Variants in CFAP299 observed in about 807,000 individuals in gnomAD.
The protein encoded by CFAP299 is cilia and flagella associated protein 299, also known as cilia- and flagella-associated protein 299.
CFAP299 carries 21 observed loss-of-function variants against 27.0 expected under a neutral mutation model. The ratio of observed to expected loss-of-function variants is 0.78; its 90% CI spans 0.55 to 1.12. The LOEUF is 1.12. CFAP299 is among the 50% of genes most tolerant of loss of function. The pLI is 0.00. For synonymous variants in CFAP299, 104 were observed against 98.1 expected (o/e 1.06, Z -0.36); for missense variants, 310 against 276.6 (o/e 1.12, Z -0.86).
chr4:80,356,815 G>T (rs144498205), intron 1 of CFAP299, among the ~76,000 whole-genome samples: 1 of 151,810 alleles, frequency 6.6e-6, no homozygotes, highest in Non-Finnish European at 1.5e-5. Context: ...TCCCTATTTC[G>T]ATATGCTTTA....
intron 2 of CFAP299, among the ~76,000 whole-genome samples, chr4:80,417,461 C>T (rs1727072893): frequency 6.6e-6 from 1 of 152,118 alleles, no homozygotes; most frequent in African/African-American, 2.4e-5. Context: ...CTGATTCAAA[C>T]ACCTCTTACA....
At chr4:80,498,841 A>G (rs1731588353) in intron 2 of CFAP299, among the ~76,000 whole-genome samples, 1 of 152,216 alleles carries the variant, frequency 6.6e-6, no homozygotes, top group South Asian at 2.1e-4. Context: ...CATGGAATCA[A>G]TCTAAATCAT....
intron 2 of CFAP299, among the ~76,000 whole-genome samples, chr4:80,529,242 T>C (rs1733341760): frequency 6.6e-6 from 1 of 152,172 alleles, no homozygotes; most frequent in Non-Finnish European, 1.5e-5. Flanking sequence ...GGTTTTTTTT[T>C]CTCTGCCTCA....
At chr4:80,535,744 G>C (rs1733711282) in intron 2 of CFAP299, among the ~76,000 whole-genome samples, 2 of 152,128 alleles carry the variant, frequency 1.3e-5, no homozygotes, top group South Asian at 4.1e-4. Flanking sequence ...ACTGAACCTT[G>C]CTCATGCCTT....
chr4:80,802,355 G>A (rs1368168417), intron 3 of CFAP299, among the ~76,000 whole-genome samples: 1 of 151,962 alleles, frequency 6.6e-6, no homozygotes, highest in African/African-American at 2.4e-5. Context: ...TTGAGTAGTG[G>A]TATTTATCTT....
chr4:80,865,436 A>G (rs1732665028), intron 3 of CFAP299, among the ~76,000 whole-genome samples: 3 of 152,158 alleles, frequency 2.0e-5, no homozygotes, highest in Admixed American at 6.6e-5. Flanking sequence ...ATCTGCCACC[A>G]CATCTGTCTG....
chr4:80,510,866 C>T (rs1732263458), intron 2 of CFAP299, among the ~76,000 whole-genome samples: 1 of 152,116 alleles, frequency 6.6e-6, no homozygotes. Flanking sequence ...GTCATTGGCC[C>T]CCAGCCTCCT....
At chr4:80,711,903 T>C (rs1722196538) in intron 3 of CFAP299, among the ~76,000 whole-genome samples, 1 of 152,176 alleles carries the variant, frequency 6.6e-6, no homozygotes, top group South Asian at 2.1e-4. Context: ...TTGATTCTGC[T>C]CTTTTACAAC....
intron 2 of CFAP299, among the ~76,000 whole-genome samples, chr4:80,401,567 C>T (rs959210331): frequency 3.9e-5 from 6 of 152,162 alleles, no homozygotes; most frequent in African/African-American, 1.2e-4. Context: ...GGAACCTCCA[C>T]GTGGATTTCA....
intron 2 of CFAP299, among the ~76,000 whole-genome samples, chr4:80,501,468 TATA>T (rs1731738764): frequency 6.8e-6 from 1 of 147,640 alleles, no homozygotes; most frequent in African/African-American, 2.4e-5. Flanking sequence ...TGAAAAGATT[TATA>T]ATTATACATT....
Position 80,603,513 on chromosome 4 carries a change from T to C in CFAP299, c.333+20330T>C, listed in dbSNP as rs1056161680. 2.0e-5 allele frequency among the ~76,000 whole-genome samples: 3 copies of C among 152,306 alleles called. No individual in the cohort carries two copies. In the South Asian group the frequency reaches 6.2e-4, roughly 32 times the overall value. On this transcript the variant is annotated intron_variant, in intron 3 of 5. Transcript: ENST00000358105. ...AGTCAGAGATGATCCCATGATCACA[T>C]TGTACTATTAGCAGGAGCATTTTAG...
chr4:80,544,530 C>G (rs1734142741), intron 2 of CFAP299, among the ~76,000 whole-genome samples: 2 of 152,092 alleles, frequency 1.3e-5, no homozygotes, highest in Admixed American at 6.6e-5. Context: ...AAAGTTCTGT[C>G]AGGCAAATGG....
rs369699346 is a variant in CFAP299, at chr4:80,688,390, A to C, written c.333+105207A>C. On this transcript the variant is annotated intron_variant, in intron 3 of 5. Coordinates refer to ENST00000358105, the MANE Select transcript of CFAP299 (RefSeq NM_152770.3). ...CAAGTGGGTCCCTGACCCCTGACCC[A>C]TGAGCAGCCTAACTGGGAGGCACCC... Among the ~76,000 whole-genome samples, 936 of 131,852 alleles carry C rather than the reference A, an allele frequency of 7.1e-3. 6 individuals carry two copies. The highest frequency in any genetic ancestry group is 0.01 in the Non-Finnish European group (633 of 62,594). The allele number at this position is 131,852 out of a possible 152,430, so 86.5% of individuals were successfully genotyped here. A position where few individuals can be genotyped will look rare whatever the true frequency, so the allele number is the denominator to read the frequency against.
At chr4:80,556,726 A>G (rs1489392599) in intron 2 of CFAP299, among the ~76,000 whole-genome samples, 2 of 152,018 alleles carry the variant, frequency 1.3e-5, no homozygotes, top group African/African-American at 4.8e-5. Flanking sequence ...ACTAGATATC[A>G]CAAAATAGGA....
At chr4:80,459,520 A>G (rs1383782894) in intron 2 of CFAP299, among the ~76,000 whole-genome samples, 1 of 152,150 alleles carries the variant, frequency 6.6e-6, no homozygotes, top group East Asian at 1.9e-4. Flanking sequence ...GCTTTTTAAT[A>G]AACTTTCACT....
chr4:80,487,925 CCTGT>C (rs1362996877), intron 2 of CFAP299, among the ~76,000 whole-genome samples: 1 of 152,026 alleles, frequency 6.6e-6, no homozygotes, highest in Non-Finnish European at 1.5e-5. Flanking sequence ...GGTTCAGTAC[CCTGT>C]CTGTTTTCTG....
At chr4:80,483,972 AT>A (rs1233899962) in intron 2 of CFAP299, among the ~76,000 whole-genome samples, 1 of 152,182 alleles carries the variant, frequency 6.6e-6, no homozygotes, top group African/African-American at 2.4e-5. Context: ...GGTACAAGGC[AT>A]ACTTGAATGA....
intron 2 of CFAP299, chr4:80,387,221 G>A (rs1038090706): frequency 6.9e-7 from 1 of 1,441,512 alleles, no homozygotes; most frequent in Non-Finnish European, 9.8e-7. Flanking sequence ...GTCGTACATC[G>A]GGGGTAAGTC....
chr4:80,870,867 T>C (rs1733044165), intron 4 of CFAP299: 2 of 985,162 alleles, frequency 2.0e-6, no homozygotes, highest in Non-Finnish European at 2.4e-6. Context: ...TATCCACCCT[T>C]ACTGATATTA....
Sources: gnomAD v4.1 joint callset for allele counts (sites outside exome capture counted in the v4.1 genomes callset) on GRCh38, gnomAD v4.1.1 for gene constraint, MANE v1.5 for transcripts, NCBI Gene and HGNC (gene_info 2026-07-23, HGNC 2026-07-21) for gene names.